Variants in GARNL3 observed in about 807,000 individuals in gnomAD.
The protein encoded by GARNL3 is GTPase activating Rap/RanGAP domain like 3, also known as GTPase-activating Rap/Ran-GAP domain-like protein 3.
A neutral mutation model predicts 125.0 loss-of-function variants in GARNL3; 63 were observed. That is an observed-to-expected ratio of 0.50 (90% CI 0.41 to 0.62). GARNL3 has a LOEUF of 0.62. Among genes scored for constraint, GARNL3 ranks in the 20% least tolerant of loss-of-function variants. The probability of loss-of-function intolerance (pLI) is 0.00; values close to 1 mark genes in which losing one functional copy is unlikely to be tolerated. For missense variants in GARNL3, 994 were observed against 1,244.0 expected, an observed-to-expected ratio of 0.80 and a Z score of 3.02; for synonymous variants, 439 against 457.5, an observed-to-expected ratio of 0.96 and a Z score of 0.52.
At chr9:127,232,217 T>A (rs1361934958) in intron 1 of GARNL3, among the ~76,000 whole-genome samples, 1 of 152,214 alleles carries the variant, frequency 6.6e-6, no homozygotes, top group Non-Finnish European at 1.5e-5. Flanking sequence ...AGGTGTAGCC[T>A]TAATTGTCAG....
intron 1 of GARNL3, among the ~76,000 whole-genome samples, chr9:127,289,636 G>C (rs1457844554): frequency 6.6e-6 from 1 of 152,214 alleles, no homozygotes; most frequent in East Asian, 1.9e-4. Context: ...ACCCCTCAGA[G>C]GTAGAGCTGA....
Position 127,336,181 on chromosome 9 carries a change from A to G in GARNL3, c.927A>G (p.Glu309=). The change falls in exon 11 of 28, where the codon GAA becomes GAG. Residue 309 remains glutamate (E), a synonymous_variant. Coordinates refer to ENST00000373387, the MANE Select transcript of GARNL3 (RefSeq NM_032293.5). ...GNDIVTIVFQ[E]GEESSPAFKP... is the part of the protein sequence containing the mutation. ...ATATCGTCACCATTGTGTTCCAAGA[A>G]GGAGAGGAATCTTCTCCTGCCTTTA... 6.2e-7 allele frequency: 1 copy of G among 1,614,154 alleles called. No individual in the cohort carries two copies. Among genetic ancestry groups the G allele is most frequent in the South Asian group, 1.1e-5 (1 of 91,084 alleles).
At position 127,364,110 on chromosome 9, in the gene GARNL3, C is replaced by T. The variant is rs1205441167; in HGVS notation, c.2095-1190C>T. ...CCCTCCAACCACCCCACCCCCAATC[C>T]ACTACCTCCTGCTTTTAATGACTTG... On this transcript the variant is annotated intron_variant, in intron 21 of 27. Transcript: ENST00000373387. This position sits in a 1 kb window ranked among gnomAD's most constrained non-coding sequence, Gnocchi z 4.2. 1 of 152,340 alleles carries T rather than the reference C, an allele frequency of 6.6e-6. No homozygotes were observed. Among genetic ancestry groups the T allele is most frequent in the African/African-American group, 2.4e-5 (1 of 41,442 alleles). 9.4% of individuals were successfully genotyped at this position (152,340 alleles called of 1,614,324 possible).
At position 127,318,086 on chromosome 9, in the gene GARNL3, C is replaced by T. The variant is rs1050824649; in HGVS notation, c.462C>T (p.Pro154=). ...AGGGTACCCAGAAAATATGCCTTCC[C>T]TACAGTCCCACAAAAACTCTTTCTG... ...RKTGTQKICL[P]YSPTKTLSVK... Residue 154 remains proline (P), a synonymous_variant, in exon 5 of 28, where the codon CCC becomes CCT. Transcript: ENST00000373387. 2 of 1,609,428 alleles carry T rather than the reference C, an allele frequency of 1.2e-6. No homozygotes were observed. Among genetic ancestry groups the T allele is most frequent in the Admixed American group, 1.7e-5 (1 of 60,026 alleles).
chr9:127,374,268 TCCAG>T (rs1232962645), intron 22 of GARNL3, among the ~76,000 whole-genome samples: 1 of 151,154 alleles, frequency 6.6e-6, no homozygotes, highest in African/African-American at 2.4e-5. Flanking sequence ...GCCATTGCGC[TCCAG>T]CCTGGGCAAC....
intron 13 of GARNL3, among the ~76,000 whole-genome samples, chr9:127,341,608 G>A (rs1468179601): frequency 6.6e-6 from 1 of 152,180 alleles, no homozygotes; most frequent in African/African-American, 2.4e-5. Flanking sequence ...GCAGCATGGG[G>A]CTCAGGAAGA....
At chr9:127,339,410 TGAG>T (rs1320120091) in intron 12 of GARNL3, among the ~76,000 whole-genome samples, 2 of 149,360 alleles carry the variant, frequency 1.3e-5, no homozygotes, top group Non-Finnish European at 3.0e-5. Context: ...CAAGAGAAAA[TGAG>T]GAGGAAACAA....
intron 17 of GARNL3, among the ~76,000 whole-genome samples, chr9:127,352,050 T>A (rs1246966722): frequency 6.6e-6 from 1 of 152,212 alleles, no homozygotes; most frequent in African/African-American, 2.4e-5. Flanking sequence ...TCTGTTCCTA[T>A]GTAAAATGAA....
intron 22 of GARNL3, among the ~76,000 whole-genome samples, chr9:127,376,570 G>A (rs1039320537): frequency 3.3e-5 from 5 of 151,360 alleles, no homozygotes; most frequent in Non-Finnish European, 5.9e-5. Flanking sequence ...TATAATTATA[G>A]TGGACAGCTT....
At chr9:127,252,216 C>T (rs1252213862) in intron 2 of GARNL3, among the ~76,000 whole-genome samples, 3 of 152,106 alleles carry the variant, frequency 2.0e-5, no homozygotes, top group Non-Finnish European at 4.4e-5. Context: ...TTGTCTTTTT[C>T]CAGTTAAATT....
intron 2 of GARNL3, 48 bp downstream of exon 2, chr9:127,291,290 T>C (rs773824479): frequency 6.7e-7 from 1 of 1,491,292 alleles, no homozygotes; most frequent in Admixed American, 1.7e-5. Flanking sequence ...CACATGATTA[T>C]AGTGCCTGGG....
Position 127,266,190 on chromosome 9 carries a change from G to GT in GARNL3, c.144+1170dup, listed in dbSNP as rs1237765043. ...TAGCTATAAGTCAGAGTAGGAATTG[G>GT]TACTGTGAAAGAGATGCATGTAGAG... On this transcript the variant is annotated intron_variant, in intron 1 of 27. Transcript: ENST00000373387. This position sits in a 1 kb window ranked among gnomAD's most constrained non-coding sequence, Gnocchi z 4.0. Among the ~76,000 whole-genome samples, 7 of 152,120 alleles carry GT rather than the reference G, an allele frequency of 4.6e-5. No homozygotes were observed. The highest frequency in any genetic ancestry group is 1.5e-5 in the Non-Finnish European group (1 of 68,012).
Position 127,318,271 on chromosome 9 carries a change from G to A in GARNL3, c.503+144G>A, listed in dbSNP as rs115831233. Reference sequence around the variant, plus strand: ...TGTTTTGCTAAGCACTTGACATGACGTGCATCACCTCGTGTCATCATCACA... The same window carrying A: ...TGTTTTGCTAAGCACTTGACATGACATGCATCACCTCGTGTCATCATCACA... On this transcript the variant is annotated intron_variant, in intron 5 of 27. Coordinates refer to ENST00000373387, the MANE Select transcript of GARNL3 (RefSeq NM_032293.5). 2,175 of 676,210 alleles carry A rather than the reference G, an allele frequency of 3.2e-3. 37 individuals carry two copies. In the African/African-American group the frequency reaches 0.034, roughly 11 times the overall value. The allele number at this position is 676,210 out of a possible 1,614,324, so 41.9% of individuals were successfully genotyped here. A position where few individuals can be genotyped will look rare whatever the true frequency, so the allele number is the denominator to read the frequency against.
chr9:127,253,168 A>G (rs2063435914), intron 2 of GARNL3, among the ~76,000 whole-genome samples: 1 of 152,180 alleles, frequency 6.6e-6, no homozygotes, highest in Non-Finnish European at 1.5e-5. Flanking sequence ...TTGACCCTAC[A>G]GAAAGTTATG....
At chr9:127,287,074 G>T (rs1220623139) in intron 1 of GARNL3, among the ~76,000 whole-genome samples, 1 of 152,128 alleles carries the variant, frequency 6.6e-6, no homozygotes, top group Admixed American at 6.5e-5. Context: ...CTCCTAAAGG[G>T]CCTGGGTCCA....
In GARNL3 at chr9:127,233,640, A is replaced by C; in HGVS notation, c.-29+9302A>C. On this transcript the variant is annotated intron_variant, in intron 1 of 10. Coordinates refer to the GARNL3 transcript ENST00000439286. The stretch of plus-strand genomic sequence containing the variant: ...TTGTGGGTGCAGAGCCCTACCATAG[A>C]CAGAAGATTTTGAATTACAAATGGA... Among the ~76,000 whole-genome samples the C allele has an allele frequency of 1.3e-5, 2 of 152,302 alleles. 1 individual carries two copies. The highest frequency in any genetic ancestry group is 4.8e-5 in the African/African-American group (2 of 41,566).
chr9:127,234,803 G>A (rs563452597), intron 1 of GARNL3, among the ~76,000 whole-genome samples: 2 of 152,292 alleles, frequency 1.3e-5, no homozygotes, highest in South Asian at 2.1e-4. Context: ...TGGTAGAAAA[G>A]GTGAATAAGC....
chr9:127,382,572 AC>A (rs1832323427), intron 22 of GARNL3, among the ~76,000 whole-genome samples: 1 of 152,122 alleles, frequency 6.6e-6, no homozygotes, highest in South Asian at 2.1e-4. Context: ...TAATCATGCC[AC>A]TGCACTCCAG....
At chr9:127,241,949 T>C (rs1255845712) in intron 1 of GARNL3, among the ~76,000 whole-genome samples, 6 of 151,592 alleles carry the variant, frequency 4.0e-5, no homozygotes, top group Admixed American at 1.3e-4. Context: ...GTTGTTGTTG[T>C]TGTTGTTGTT....
Sources: allele counts gnomAD v4.1 joint callset (sites outside exome capture counted in the v4.1 genomes callset), GRCh38; gene constraint gnomAD v4.1.1; non-coding constraint Gnocchi (gnomAD v3.1); transcripts MANE v1.5; gene names NCBI Gene and HGNC (gene_info 2026-07-23, HGNC 2026-07-21).